Variants in TEK observed in about 807,000 individuals in gnomAD.
TEK encodes TEK receptor tyrosine kinase.
A neutral mutation model predicts 131.8 loss-of-function variants in TEK; 43 were observed. The observed-to-expected ratio is 0.33, with a 90% CI of 0.26 to 0.42. The LOEUF is 0.42. Ranked by LOEUF, TEK falls within the 10% of genes least tolerant of loss-of-function variation. TEK has a pLI of 1.00. For missense variants in TEK, 1,162 were observed against 1,384.4 expected (o/e 0.84, Z 2.55); for synonymous variants, 580 against 491.6 (o/e 1.18, Z -2.38).
chr9:27,190,492 G>A (rs913748535), intron 9 of TEK, 37 bp from the exon 10 acceptor site: 1 of 1,613,080 alleles, frequency 6.2e-7, no homozygotes, highest in Non-Finnish European at 8.5e-7. Context: ...AAACCTCAAA[G>A]CCGAAGGACT....
In TEK at chr9:27,122,079, C is replaced by T. The variant is rs185847244; in HGVS notation, c.52+12437C>T. 2.0e-3 allele frequency among the ~76,000 whole-genome samples: 300 copies of T among 152,302 alleles called. 4 individuals are homozygous for T. The highest frequency in any genetic ancestry group is 6.8e-3 in the African/African-American group (282 of 41,552). ...GCTTCCTCACAAAAGGCCCAGCTAA[C>T]GAGCAGGCAATGCCCGTCAGTAGAG... On this transcript the variant is annotated intron_variant, in intron 1 of 22. Transcript: ENST00000380036.
intron 1 of TEK, among the ~76,000 whole-genome samples, chr9:27,114,685 C>T (rs950415226): frequency 6.6e-6 from 1 of 152,208 alleles, no homozygotes; most frequent in African/African-American, 2.4e-5. Context: ...ATGATATTCA[C>T]TCTCATCTTA....
rs149063993 is a variant in TEK at position 27,172,665 on chromosome 9, T to C, written c.678T>C (p.Ala226=). The C allele has an allele frequency of 3.1e-6, 5 of 1,613,820 alleles. No individual in the cohort carries two copies. In the African/African-American group the frequency reaches 4.0e-5, roughly 13 times the overall value. The part of the protein sequence containing the change: ...WGPECNHLCT[A]CMNNGVCHED... ...CTGAATGCAACCATCTCTGTACTGC[T>C]TGTATGAACAATGGTGTCTGCCATG... is the stretch of plus-strand genomic sequence containing the variant. Residue 226 remains alanine, a synonymous_variant, in exon 5 of 23, where the codon GCT becomes GCC. Coordinates refer to ENST00000380036, the MANE Select transcript of TEK (RefSeq NM_000459.5).
intron 16 of TEK, among the ~76,000 whole-genome samples, chr9:27,212,487 G>T (rs944645025): frequency 1.3e-5 from 2 of 152,140 alleles, no homozygotes; most frequent in African/African-American, 4.8e-5. Flanking sequence ...TGGAGAGGGG[G>T]TGGGAAGGAG....
rs141969077 is a variant in TEK at position 27,154,092 on chromosome 9, A to C, written c.53-3739A>C. ...GCTGAAGGATGAGACATAAAGGGACATATATGTCCATGGCTCTTGATTCTT... is the reference window on the plus strand; with the variant it reads ...GCTGAAGGATGAGACATAAAGGGACCTATATGTCCATGGCTCTTGATTCTT... On this transcript the variant is annotated intron_variant, in intron 1 of 22. Transcript: ENST00000380036. Among the ~76,000 whole-genome samples, 466 of 152,308 alleles carry C rather than the reference A, an allele frequency of 3.1e-3. 3 individuals are homozygous for C. The highest frequency in any genetic ancestry group is 0.011 in the African/African-American group (451 of 41,558).
chr9:27,218,301 T>G (rs548106532), intron 19 of TEK, among the ~76,000 whole-genome samples: 1 of 151,906 alleles, frequency 6.6e-6, no homozygotes, highest in Non-Finnish European at 1.5e-5. Context: ...TGTCTGGGCA[T>G]GAGGAGGGGG....
chr9:27,218,130 T>TTGGTGG (rs9298888), intron 19 of TEK, among the ~76,000 whole-genome samples: 3 of 139,634 alleles, frequency 2.1e-5, no homozygotes, highest in Admixed American at 7.2e-5. Context: ...GGCCAGACAG[T>TTGGTGG]GGCGGGGGTC....
At chr9:27,192,886 C>T (rs987909685) in intron 11 of TEK, among the ~76,000 whole-genome samples, 3 of 152,166 alleles carry the variant, frequency 2.0e-5, no homozygotes, top group African/African-American at 7.2e-5. Context: ...GAGAAGGAAG[C>T]AGATGAGCCT....
intron 1 of TEK, among the ~76,000 whole-genome samples, chr9:27,122,032 GACAAGACCT>G: frequency 6.6e-6 from 1 of 152,166 alleles, no homozygotes; most frequent in Non-Finnish European, 1.5e-5. Context: ...TAAAATTATA[GACAAGACCT>G]TGGGCACAGT....
chr9:27,127,026 G>C (rs1822013537), intron 1 of TEK, among the ~76,000 whole-genome samples: 2 of 152,172 alleles, frequency 1.3e-5, no homozygotes, highest in African/African-American at 2.4e-5. Flanking sequence ...TGAGCAGAAA[G>C]TGCAGTTTTG....
rs10967783 is a variant in TEK at position 27,225,382 on chromosome 9, T to G, written c.3201-2824T>G. Among the ~76,000 whole-genome samples, 4 of 151,870 alleles carry G rather than the reference T, an allele frequency of 2.6e-5. No homozygotes were observed. The East Asian group carries it at 7.7e-4, about 29-fold the overall frequency. Reference sequence around the variant, plus strand: ...AACCAAAACAGGATGGTACTGGTACTAAAACAGATATATAGACCAAAGGAA... The same window carrying G: ...AACCAAAACAGGATGGTACTGGTACGAAAACAGATATATAGACCAAAGGAA... On this transcript the variant is annotated intron_variant, in intron 21 of 22. Coordinates refer to ENST00000380036, the MANE Select transcript of TEK (RefSeq NM_000459.5).
intron 10 of TEK, chr9:27,191,944 A>G (rs1824838695): frequency 2.2e-6 from 1 of 454,964 alleles, no homozygotes; most frequent in African/African-American, 2.0e-5. Context: ...ATGGAGAAAC[A>G]GAGGCTGACT....
chr9:27,201,672 G>A (rs981251624), intron 12 of TEK, among the ~76,000 whole-genome samples: 2 of 152,072 alleles, frequency 1.3e-5, no homozygotes, highest in Non-Finnish European at 2.9e-5. Flanking sequence ...GAGTAACAAG[G>A]GGGAGTCAAC....
chr9:27,211,463 T>TTTG (rs780555831), intron 16 of TEK, among the ~76,000 whole-genome samples: 9 of 15,774 alleles, frequency 5.7e-4, no homozygotes, highest in Non-Finnish European at 7.6e-4. Flanking sequence ...TTGAGATAGA[T>TTTG]AGATAGATAG....
intron 3 of TEK, among the ~76,000 whole-genome samples, 179 bp downstream of exon 3, chr9:27,168,784 T>C (rs914560033): frequency 1.3e-5 from 2 of 152,228 alleles, no homozygotes; most frequent in African/African-American, 4.8e-5. Context: ...ATTTGGTTAC[T>C]TAAGGATATT....
intron 20 of TEK, 63 bp downstream of exon 20, chr9:27,218,880 C>A: frequency 6.7e-7 from 1 of 1,487,422 alleles, no homozygotes; most frequent in Non-Finnish European, 9.4e-7. Flanking sequence ...GCCTCTAGCA[C>A]TCCCTTGCTG....
intron 1 of TEK, among the ~76,000 whole-genome samples, chr9:27,125,054 C>T (rs1821938950): frequency 1.3e-5 from 2 of 152,196 alleles, no homozygotes; most frequent in South Asian, 2.1e-4. Flanking sequence ...AAGACCCAAC[C>T]AGCATGGGCT....
chr9:27,204,577 T>G (rs558210732), intron 13 of TEK, among the ~76,000 whole-genome samples: 1 of 152,256 alleles, frequency 6.6e-6, no homozygotes, highest in African/African-American at 2.4e-5. Flanking sequence ...ATACCTGTAG[T>G]AATTCTCCCT....
Position 27,229,549 on chromosome 9 carries a change from A to T in TEK, c.*317A>T, listed in dbSNP as rs183136289. The T allele has an allele frequency of 5.6e-4, 200 of 357,038 alleles. 1 individual carries two copies. Among genetic ancestry groups the T allele is most frequent in the Non-Finnish European group, 8.4e-5 (16 of 190,820 alleles). 22.1% of individuals were successfully genotyped at this position (357,038 alleles called of 1,614,324 possible). A position where few individuals can be genotyped will look rare whatever the true frequency, so the allele number is the denominator to read the frequency against. On this transcript the variant is annotated 3_prime_UTR_variant, in exon 23 of 23. Coordinates refer to ENST00000380036, the MANE Select transcript of TEK (RefSeq NM_000459.5). ...GTACAATTAGTATAATGCATAACTCATTGTTGTCCTAGATATTTTGATATT... is the reference window on the plus strand; with the variant it reads ...GTACAATTAGTATAATGCATAACTCTTTGTTGTCCTAGATATTTTGATATT...
Sources: allele counts gnomAD v4.1 joint callset (sites outside exome capture counted in the v4.1 genomes callset), GRCh38; gene constraint gnomAD v4.1.1; transcripts MANE v1.5; gene names NCBI Gene and HGNC (gene_info 2026-07-23, HGNC 2026-07-21).